The following TAF1 variants were observed in gnomAD, a reference collection of about 807,000 sequenced individuals.
TAF1 encodes transcription initiation factor TFIID subunit 1.
A neutral mutation model predicts 138.5 loss-of-function variants in TAF1; 2 were observed. That is an observed-to-expected ratio of 0.01 (90% confidence interval 0.01 to 0.05). The LOEUF is 0.05. Ranked by LOEUF, TAF1 falls within the 10% of genes least tolerant of loss-of-function variation. TAF1 has a pLI of 1.00. For missense variants in TAF1, 709 were observed against 1,478.0 expected (o/e 0.48, Z 8.53); for synonymous variants, 437 against 503.2 (o/e 0.87, Z 1.76).
At chrX:71,487,834 G>A (rs2039201010) in intron 13 of TAF1, among the ~76,000 whole-genome samples, 1 of 111,323 alleles carries the variant, frequency 9.0e-6, no homozygotes, top group African/African-American at 3.3e-5. Context: ...TCCTCATGGT[G>A]GATTACATTT....
chrX:71,503,973 G>GT (rs2039570746), intron 13 of TAF1, among the ~76,000 whole-genome samples: 1 of 111,196 alleles, frequency 9.0e-6, no homozygotes, highest in Non-Finnish European at 1.9e-5. Context: ...TTGTAGACGT[G>GT]ATTGAAGTCC....
intron 2 of TAF1, 145 bp from the exon 3 acceptor site, chrX:71,367,909 G>T: frequency 1.6e-6 from 1 of 615,701 alleles, no homozygotes; most frequent in Non-Finnish European, 2.6e-6. Flanking sequence ...GGCCTGAGGT[G>T]ATCCGTCTGG....
At chrX:71,412,394 G>A (rs2035843636) in intron 28 of TAF1, among the ~76,000 whole-genome samples, 1 of 111,246 alleles carries the variant, frequency 9.0e-6, no homozygotes, top group Non-Finnish European at 1.9e-5. Context: ...CTCCCAAAGT[G>A]CTGGGATTAC....
At chrX:71,423,318 T>C (rs985307174) in intron 30 of TAF1, 79 bp downstream of exon 30, 32 of 1,175,664 alleles carry the variant, frequency 2.7e-5, no homozygotes, top group Non-Finnish European at 3.7e-5. Flanking sequence ...CGTGTGTGTA[T>C]TTTGGAGAGT....
chrX:71,476,453 T>C (rs963142755), intron 13 of TAF1, among the ~76,000 whole-genome samples: 1 of 109,136 alleles, frequency 9.2e-6, no homozygotes, highest in Non-Finnish European at 1.9e-5. Flanking sequence ...CTGGGCAACA[T>C]GATGAAACCC....
intron 28 of TAF1, among the ~76,000 whole-genome samples, chrX:71,411,860 C>T (rs774352394): frequency 2.7e-5 from 3 of 112,152 alleles, no homozygotes; most frequent in Non-Finnish European, 1.9e-5. Context: ...TGGGTTCAAG[C>T]GATTCTCCTG....
intron 3 of TAF1, among the ~76,000 whole-genome samples, chrX:71,369,295 G>T (rs1333105443): frequency 9.0e-6 from 1 of 111,520 alleles, no homozygotes; most frequent in African/African-American, 3.3e-5. Flanking sequence ...ACCGCACCCT[G>T]CCTAAAACAA....
intron 2 of TAF1, 84 bp downstream of exon 2, chrX:71,367,697 G>GT: frequency 9.5e-7 from 1 of 1,049,230 alleles, no homozygotes; most frequent in South Asian, 2.2e-5. Flanking sequence ...GTAAGACGGA[G>GT]TTTCGCTCTG....
At chrX:71,368,197 C>T in intron 3 of TAF1, 27 bp downstream of exon 3, 1 of 1,179,235 alleles carries the variant, frequency 8.5e-7, no homozygotes. Context: ...TTGGCTTGAA[C>T]ATTCCAGTGC....
intron 32 of TAF1, among the ~76,000 whole-genome samples, chrX:71,437,642 C>CT (rs1400494724): frequency 3.0e-5 from 3 of 101,354 alleles, no homozygotes; most frequent in Non-Finnish European, 6.0e-5. Flanking sequence ...GAATGAGACT[C>CT]TGTCTCCAAA....
intron 32 of TAF1, among the ~76,000 whole-genome samples, chrX:71,430,589 G>A (rs1017804750): frequency 9.0e-6 from 1 of 111,422 alleles, no homozygotes; most frequent in African/African-American, 3.3e-5. Context: ...TAATATAAAT[G>A]AGTGAAATGG....
At chrX:71,387,561 G>A (rs1602500779) in intron 15 of TAF1, 100 bp downstream of exon 15, 1 of 977,743 alleles carries the variant, frequency 1.0e-6, no homozygotes, top group Non-Finnish European at 1.4e-6. Flanking sequence ...CACTTTGGGA[G>A]GCCGCGGTGA....
rs765243828 is a variant in TAF1 at position 71,413,920 on chromosome X, C to T, written c.4384+5769C>T. The T allele has an allele frequency of 4.7e-4, 52 of 111,678 alleles. 1 individual carries two copies. The highest frequency in any genetic ancestry group is 1.6e-3 in the African/African-American group (50 of 30,864). The allele number at this position is 111,678 out of a possible 1,213,427, so 9.2% of individuals were successfully genotyped here. A position where few individuals can be genotyped will look rare whatever the true frequency, so the allele number is the denominator to read the frequency against. On this transcript the variant is annotated intron_variant, in intron 28 of 37. Transcript: ENST00000423759. ...ACTCCTCTTGGCCAGCAGTGTCCCACGTGTTCAGGCTAACGATTTGCCCAT... is the reference window on the plus strand; with the variant it reads ...ACTCCTCTTGGCCAGCAGTGTCCCATGTGTTCAGGCTAACGATTTGCCCAT...
chrX:71,383,744 A>G (rs766578184), intron 12 of TAF1, among the ~76,000 whole-genome samples: 44 of 112,343 alleles, frequency 3.9e-4, no homozygotes, highest in African/African-American at 1.4e-3. Context: ...AATATTTTCT[A>G]TCTATGGTTG....
intron 32 of TAF1, among the ~76,000 whole-genome samples, chrX:71,452,101 G>C (rs1272646225): frequency 9.9e-6 from 1 of 100,838 alleles, no homozygotes; most frequent in Non-Finnish European, 2.0e-5. Flanking sequence ...TGGCCGGGCG[G>C]GGGGCTGACC....
At chrX:71,508,086 C>CTATATATATATATATATA (rs1556033075) in intron 13 of TAF1, among the ~76,000 whole-genome samples, 1 of 92,183 alleles carries the variant, frequency 1.1e-5, no homozygotes, top group African/African-American at 4.3e-5. Context: ...CTCTCTCTCT[C>CTATATATATATATATATA]TATATATATA....
At chrX:71,384,713 A>G (rs1057412479) in intron 13 of TAF1, among the ~76,000 whole-genome samples, 1 of 111,672 alleles carries the variant, frequency 9.0e-6, no homozygotes, top group African/African-American at 3.3e-5. Context: ...GGCCAATCCT[A>G]AACTTTTTGA....
At chrX:71,449,444 G>A (rs1429558949) in intron 32 of TAF1, among the ~76,000 whole-genome samples, 2 of 112,581 alleles carry the variant, frequency 1.8e-5, no homozygotes, top group African/African-American at 3.2e-5. Context: ...ATTTCTTAGA[G>A]TGATGTGTTG....
chrX:71,372,907 C>T (rs1451882443), intron 3 of TAF1, among the ~76,000 whole-genome samples: 1 of 111,645 alleles, frequency 9.0e-6, no homozygotes, highest in Non-Finnish European at 1.9e-5. Flanking sequence ...CGCTCTGTCA[C>T]CCAGGCTGGA....
Sources: allele counts gnomAD v4.1 joint callset (sites outside exome capture counted in the v4.1 genomes callset), GRCh38; gene constraint gnomAD v4.1.1; transcripts MANE v1.5; gene names NCBI Gene and HGNC (gene_info 2026-07-23, HGNC 2026-07-21).